The following NTM variants were observed in gnomAD, a reference collection of about 807,000 sequenced individuals.
NTM encodes the protein IgLON family member 2.
Under a neutral mutation model 42.1 loss-of-function variants are expected in NTM, and 13 were observed. That is an observed-to-expected ratio of 0.31 (90% CI 0.20 to 0.49). The LOEUF is 0.49. Among genes scored for constraint, NTM ranks in the 20% least tolerant of loss-of-function variants. The pLI, the probability that NTM is intolerant of heterozygous loss-of-function variation, is 0.99. For synonymous variants in NTM, 187 were observed against 179.2 expected, an observed-to-expected ratio of 1.04 and a Z score of -0.35; for missense variants, 373 against 452.8, an observed-to-expected ratio of 0.82 and a Z score of 1.60.
chr11:131,447,021 C>T (rs1469147468), intron 1 of NTM, among the ~76,000 whole-genome samples: 1 of 117,858 alleles, frequency 8.5e-6, no homozygotes, highest in Non-Finnish European at 1.8e-5. Context: ...TGTGTTAAGA[C>T]ACACCAAAGC....
chr11:131,501,571 A>T (rs1351068146), intron 1 of NTM, among the ~76,000 whole-genome samples: 4 of 152,182 alleles, frequency 2.6e-5, no homozygotes, highest in African/African-American at 9.7e-5. Flanking sequence ...GATCTGATTT[A>T]TATGTTCAAA....
intron 1 of NTM, among the ~76,000 whole-genome samples, chr11:131,430,953 C>T (rs1293970410): frequency 6.6e-6 from 1 of 152,236 alleles, no homozygotes; most frequent in Non-Finnish European, 1.5e-5. Context: ...CTTTCCCACC[C>T]GCCAGGCTGT....
At chr11:132,063,192 C>G (rs974893685) in intron 2 of NTM, among the ~76,000 whole-genome samples, 2 of 152,140 alleles carry the variant, frequency 1.3e-5, no homozygotes, top group Non-Finnish European at 2.9e-5. Context: ...TTGGGAGCCT[C>G]TGGGAAGTCT....
At chr11:132,176,380 C>T (rs2076814637) in intron 3 of NTM, among the ~76,000 whole-genome samples, 1 of 150,352 alleles carries the variant, frequency 6.7e-6, no homozygotes, top group African/African-American at 2.4e-5. Flanking sequence ...AAAAAAAAAC[C>T]TGTTTGAGAA....
At chr11:132,321,120 T>TCTC (rs994712245) in intron 7 of NTM, among the ~76,000 whole-genome samples, 1 of 152,058 alleles carries the variant, frequency 6.6e-6, no homozygotes, top group Non-Finnish European at 1.5e-5. Flanking sequence ...GCTGAGCGCC[T>TCTC]CTCCTCCTCC....
At chr11:131,882,185 T>A (rs1306085948) in intron 1 of NTM, among the ~76,000 whole-genome samples, 1 of 152,172 alleles carries the variant, frequency 6.6e-6, no homozygotes, top group Admixed American at 6.5e-5. Context: ...TGTGTATGTA[T>A]GTGTGTGTGT....
At chr11:131,955,245 T>C (rs1444791121) in intron 2 of NTM, among the ~76,000 whole-genome samples, 1 of 152,202 alleles carries the variant, frequency 6.6e-6, no homozygotes, top group Admixed American at 6.5e-5. Flanking sequence ...TGTTTAGGTT[T>C]GCTGCTTGAT....
chr11:132,022,943 T>C (rs1000023657), intron 2 of NTM, among the ~76,000 whole-genome samples: 7 of 152,216 alleles, frequency 4.6e-5, no homozygotes, highest in Admixed American at 3.3e-4. Flanking sequence ...ATTAATGTGA[T>C]AAATGTTACT....
intron 4 of NTM, among the ~76,000 whole-genome samples, chr11:132,270,651 T>A (rs565436190): frequency 1.8e-3 from 259 of 140,590 alleles, no homozygotes; most frequent in Non-Finnish European, 2.1e-3. Context: ...AAATTTATTT[T>A]TATTTTTTTT....
intron 2 of NTM, among the ~76,000 whole-genome samples, chr11:132,033,218 T>C (rs2076136585): frequency 6.6e-6 from 1 of 152,180 alleles, no homozygotes; most frequent in South Asian, 2.1e-4. Context: ...AAAGAGAAAG[T>C]AGCCCAATCA....
chr11:131,536,639 A>G (rs532849397), intron 1 of NTM: 5 of 152,338 alleles, frequency 3.3e-5, no homozygotes, highest in East Asian at 1.9e-4. Flanking sequence ...TCATCCATCA[A>G]TCTGACACTT....
At chr11:131,686,871 G>A (rs1346802832) in intron 1 of NTM, among the ~76,000 whole-genome samples, 1 of 152,200 alleles carries the variant, frequency 6.6e-6, no homozygotes, top group Non-Finnish European at 1.5e-5. Flanking sequence ...GCTGGAGGTT[G>A]GAGAATGTTC....
rs185079230 is a variant in NTM, at chr11:131,780,255, G to A, written c.83-131309G>A. On this transcript the variant is annotated intron_variant, in intron 1 of 8. Transcript: ENST00000683400. ...TCTAATGTCCAGACAAGAGAGCCAC[G>A]CAGGGACAGCAGGTGCAGAGAGGAG... Among the ~76,000 whole-genome samples, 87 of 152,264 alleles carry A rather than the reference G, an allele frequency of 5.7e-4. 1 individual carries two copies. The highest frequency in any genetic ancestry group is 3.1e-3 in the Admixed American group (47 of 15,292).
rs76975376 is a variant in NTM, at chr11:131,458,926, A to G, written c.82+88038A>G. ...GGTCCTAATTGATACTGAGACTTCT[A>G]GTTCAGGAGTTGCACTTGGATACCC... On this transcript the variant is annotated intron_variant, in intron 1 of 8. Transcript: ENST00000683400. 3.7e-3 allele frequency among the ~76,000 whole-genome samples: 561 copies of G among 152,384 alleles called. 4 individuals are homozygous for G. The highest frequency in any genetic ancestry group is 0.013 in the African/African-American group (537 of 41,602).
chr11:131,688,268 G>C (rs55895514), intron 1 of NTM, among the ~76,000 whole-genome samples: 3,186 of 152,214 alleles, frequency 0.021, 49 homozygotes, highest in Middle Eastern at 0.051. Context: ...CTCCAGACAG[G>C]GGGGAAAGCA....
chr11:131,586,459 A>G (rs2058871218), intron 1 of NTM, among the ~76,000 whole-genome samples: 1 of 152,200 alleles, frequency 6.6e-6, no homozygotes, highest in Non-Finnish European at 1.5e-5. Context: ...GCCAGCTGCC[A>G]TGTTGTGAGG....
chr11:131,844,629 T>G (rs1261002288), intron 1 of NTM, among the ~76,000 whole-genome samples: 1 of 59,148 alleles, frequency 1.7e-5, no homozygotes, highest in Non-Finnish European at 3.3e-5. Context: ...TTATCTAGGT[T>G]TCACTTTTTT....
At chr11:132,086,536 C>T (rs891185572) in intron 2 of NTM, among the ~76,000 whole-genome samples, 8 of 152,102 alleles carry the variant, frequency 5.3e-5, no homozygotes, top group Admixed American at 6.5e-5. Context: ...CGATGTTAGC[C>T]ACACCATGTG....
intron 1 of NTM, among the ~76,000 whole-genome samples, chr11:131,496,673 C>T (rs1368636132): frequency 1.3e-5 from 2 of 152,210 alleles, no homozygotes; most frequent in African/African-American, 4.8e-5. Context: ...TATTTGGGGG[C>T]ATTTAGCTTG....
Sources: allele counts gnomAD v4.1 joint callset (sites outside exome capture counted in the v4.1 genomes callset), GRCh38; gene constraint gnomAD v4.1.1; transcripts MANE v1.5; gene names NCBI Gene and HGNC (gene_info 2026-07-23, HGNC 2026-07-21).